The following DNAH14 variants were observed in gnomAD, a reference collection of about 807,000 sequenced individuals.
The protein encoded by DNAH14 is dynein axonemal heavy chain 14.
DNAH14 carries 478 observed loss-of-function variants against 520.9 expected under a neutral mutation model. The ratio of observed to expected loss-of-function variants is 0.92; its 90% confidence interval spans 0.85 to 0.99. The LOEUF is 0.99. DNAH14 is among the 50% of genes least tolerant of loss of function. The pLI is 0.00. For synonymous variants in DNAH14, 1,581 were observed against 1,757.2 expected (o/e 0.90, Z 2.51); for missense variants, 4,831 against 5,234.5 (o/e 0.92, Z 2.38).
chr1:225,081,981 C>A (rs1380848251), intron 19 of DNAH14, among the ~76,000 whole-genome samples: 12 of 152,018 alleles, frequency 7.9e-5, no homozygotes, highest in South Asian at 2.1e-4. Flanking sequence ...ATTTAAAAAA[C>A]CCAAACCAGC....
At chr1:225,109,690 C>T (rs755016828) in intron 23 of DNAH14, among the ~76,000 whole-genome samples, 1 of 151,944 alleles carries the variant, frequency 6.6e-6, no homozygotes, top group Admixed American at 6.6e-5. Context: ...CTTGGATGCC[C>T]TTTGTTTCTT....
At chr1:225,024,456 T>C (rs1358424762) in intron 11 of DNAH14, 2 of 162,136 alleles carry the variant, frequency 1.2e-5, no homozygotes, top group Non-Finnish European at 2.6e-5. Flanking sequence ...GGAATATTAA[T>C]TGAAATGATG....
chr1:225,363,972 C>T (rs1430939104), intron 75 of DNAH14, among the ~76,000 whole-genome samples: 1 of 152,054 alleles, frequency 6.6e-6, no homozygotes, highest in East Asian at 1.9e-4. Flanking sequence ...TGGTTGAATC[C>T]ATGGATGTGG....
intron 27 of DNAH14, among the ~76,000 whole-genome samples, chr1:225,126,337 C>T (rs561685478): frequency 6.6e-5 from 10 of 152,286 alleles, no homozygotes; most frequent in African/African-American, 2.4e-4. Flanking sequence ...CCATCTGGTC[C>T]TGGACTCCTT....
intron 69 of DNAH14, among the ~76,000 whole-genome samples, chr1:225,341,974 A>T (rs2095191956): frequency 6.6e-6 from 1 of 152,204 alleles, no homozygotes; most frequent in Admixed American, 6.5e-5. Context: ...TTTAAAAAAT[A>T]CAAATGCCCA....
At chr1:225,366,342 T>G (rs945568228) in intron 76 of DNAH14, among the ~76,000 whole-genome samples, 1 of 152,232 alleles carries the variant, frequency 6.6e-6, no homozygotes, top group Non-Finnish European at 1.5e-5. Context: ...AAATAAATTA[T>G]GATGTATTTG....
At chr1:225,136,644 C>G (rs2078975997) in intron 27 of DNAH14, among the ~76,000 whole-genome samples, 1 of 152,102 alleles carries the variant, frequency 6.6e-6, no homozygotes, top group South Asian at 2.1e-4. Flanking sequence ...TTGATGTTCT[C>G]ATGGAGTATC....
At chr1:225,371,740 A>C (rs1459234554) in intron 77 of DNAH14, among the ~76,000 whole-genome samples, 1 of 152,174 alleles carries the variant, frequency 6.6e-6, no homozygotes, top group Non-Finnish European at 1.5e-5. Context: ...TAAAGATGTA[A>C]AGAGCAATAA....
intron 8 of DNAH14, among the ~76,000 whole-genome samples, chr1:224,981,488 A>G (rs1180654257): frequency 6.6e-6 from 1 of 152,010 alleles, no homozygotes; most frequent in Non-Finnish European, 1.5e-5. Context: ...TGTTCAGGGT[A>G]TCTAATTCTT....
intron 8 of DNAH14, among the ~76,000 whole-genome samples, chr1:224,979,145 TAAAA>T (rs749932032): frequency 1.3e-5 from 2 of 152,072 alleles, no homozygotes; most frequent in African/African-American, 4.8e-5. Flanking sequence ...TGTTCCTTCA[TAAAA>T]AAAGCATCTT....
At position 224,949,824 on chromosome 1, in the gene DNAH14, ACTCT is replaced by A. The variant is rs368429161; in HGVS notation, c.-33-2843_-33-2840del. On this transcript the variant is annotated intron_variant, in intron 1 of 85. Transcript: ENST00000682510. ...TGTGCATTTTAGATAGCATCTATTG[ACTCT>A]CTATTGCAAAATGAAGATATTAGAA... Among the ~76,000 whole-genome samples, 49 of 152,212 alleles carry A rather than the reference ACTCT, an allele frequency of 3.2e-4. No individual in the cohort carries two copies. The South Asian group carries it at 9.9e-3, about 31-fold the overall frequency.
At chr1:224,941,467 G>A (rs1409287531) in intron 1 of DNAH14, among the ~76,000 whole-genome samples, 2 of 152,160 alleles carry the variant, frequency 1.3e-5, no homozygotes, top group Non-Finnish European at 2.9e-5. Flanking sequence ...CATTCTGTAG[G>A]TTGCCTGTTG....
At chr1:224,998,367 A>G (rs574077273) in intron 8 of DNAH14, among the ~76,000 whole-genome samples, 6 of 152,220 alleles carry the variant, frequency 3.9e-5, no homozygotes, top group African/African-American at 1.2e-4. Context: ...GTGAGAGCCT[A>G]GATTATTGAT....
intron 52 of DNAH14, among the ~76,000 whole-genome samples, chr1:225,274,265 C>T (rs1013554863): frequency 2.3e-5 from 3 of 130,916 alleles, no homozygotes; most frequent in South Asian, 5.0e-4. Flanking sequence ...AGTGCTGTGG[C>T]GCGATCTCTG....
intron 23 of DNAH14, among the ~76,000 whole-genome samples, chr1:225,110,879 G>A (rs1011888993): frequency 2.0e-5 from 3 of 151,956 alleles, no homozygotes; most frequent in African/African-American, 7.2e-5. Flanking sequence ...CATTGACACT[G>A]ACATGGTCAT....
At chr1:225,336,306 G>C (rs1442980319) in intron 66 of DNAH14, among the ~76,000 whole-genome samples, 2 of 151,748 alleles carry the variant, frequency 1.3e-5, no homozygotes, top group African/African-American at 2.4e-5. Context: ...AAATGGGAGA[G>C]AATTTACCAT....
intron 15 of DNAH14, among the ~76,000 whole-genome samples, chr1:225,046,910 G>A (rs1471441983): frequency 6.6e-6 from 1 of 152,026 alleles, no homozygotes; most frequent in Non-Finnish European, 1.5e-5. Context: ...CTCCATCCTT[G>A]TCTTGTGACT....
intron 75 of DNAH14, among the ~76,000 whole-genome samples, chr1:225,361,375 A>C (rs1446501698): frequency 6.6e-6 from 1 of 152,252 alleles, no homozygotes; most frequent in African/African-American, 2.4e-5. Flanking sequence ...TCACTCATGC[A>C]GAAATTTTTA....
intron 9 of DNAH14, among the ~76,000 whole-genome samples, chr1:225,005,614 A>G (rs1045923425): frequency 5.9e-5 from 9 of 152,180 alleles, no homozygotes; most frequent in Non-Finnish European, 1.2e-4. Context: ...AAACTTAAAG[A>G]GTAAATCCAA....
Sources: gnomAD v4.1 joint callset for allele counts (sites outside exome capture counted in the v4.1 genomes callset) on GRCh38, gnomAD v4.1.1 for gene constraint, MANE v1.5 for transcripts, NCBI Gene and HGNC (gene_info 2026-07-23, HGNC 2026-07-21) for gene names.